LRRFIP2: variants seen among roughly 807,000 people sequenced by gnomAD.
The protein encoded by LRRFIP2 is leucine-rich repeat flightless-interacting protein 2.
A neutral mutation model predicts 125.9 loss-of-function variants in LRRFIP2; 109 were observed. The ratio of observed to expected loss-of-function variants is 0.87; its 90% CI spans 0.74 to 1.01. The LOEUF (loss-of-function observed/expected upper bound fraction) is 1.01. Among genes scored for constraint, LRRFIP2 ranks in the 50% least tolerant of loss-of-function variants. The pLI is 0.00. For missense variants in LRRFIP2, 850 were observed against 862.3 expected (o/e 0.99, Z 0.18); for synonymous variants, 291 against 293.1 (o/e 0.99, Z 0.07).
chr3:37,078,354 A>G (rs1291956109), intron 19 of LRRFIP2, among the ~76,000 whole-genome samples: 1 of 152,194 alleles, frequency 6.6e-6, no homozygotes, highest in Non-Finnish European at 1.5e-5. Context: ...AAACAAAATA[A>G]AAATCTTTTA....
In LRRFIP2 at chr3:37,060,208, T is replaced by G. The variant is rs975682123; in HGVS notation, c.1750-1298A>C. ...CATCATCAGCAAACACCCTCTGTCCTCAGTCTTTTCTGAGCATCCCCCCTT... is the reference window on the plus strand; with the variant it reads ...CATCATCAGCAAACACCCTCTGTCCGCAGTCTTTTCTGAGCATCCCCCCTT... On this transcript the variant is annotated intron_variant, in intron 24 of 27. Coordinates refer to ENST00000336686, the MANE Select transcript of LRRFIP2 (RefSeq NM_006309.4). This position sits in a 1 kb window ranked among gnomAD's most constrained non-coding sequence, Gnocchi z 4.1. Among the ~76,000 whole-genome samples, 25 of 152,300 alleles carry G rather than the reference T, an allele frequency of 1.6e-4. No homozygotes were observed. The highest frequency in any genetic ancestry group is 5.3e-4 in the African/African-American group (22 of 41,570).
chr3:37,142,104 T>C (rs2095717101), intron 2 of LRRFIP2, among the ~76,000 whole-genome samples: 1 of 152,132 alleles, frequency 6.6e-6, no homozygotes, highest in African/African-American at 2.4e-5. Context: ...TCATAGTTTC[T>C]TTGTATTTCT....
intron 6 of LRRFIP2, among the ~76,000 whole-genome samples, chr3:37,119,010 G>T (rs1235396659): frequency 6.6e-6 from 1 of 152,060 alleles, no homozygotes; most frequent in African/African-American, 2.4e-5. Flanking sequence ...AATATTATTT[G>T]GGTAAAACAG....
chr3:37,057,557 G>A (rs1214415407), intron 25 of LRRFIP2, among the ~76,000 whole-genome samples: 2 of 149,094 alleles, frequency 1.3e-5, no homozygotes, highest in South Asian at 2.1e-4. Context: ...TTGAAGAGAC[G>A]GGTTTTCACC....
intron 14 of LRRFIP2, among the ~76,000 whole-genome samples, chr3:37,104,304 T>A (rs925963274): frequency 1.3e-5 from 2 of 152,224 alleles, no homozygotes; most frequent in African/African-American, 4.8e-5. Context: ...TAACAGGTAG[T>A]AGAAGTGGAT....
intron 21 of LRRFIP2, among the ~76,000 whole-genome samples, chr3:37,071,254 A>G (rs2091135876): frequency 1.3e-5 from 2 of 152,280 alleles, no homozygotes; most frequent in African/African-American, 4.8e-5. Context: ...GTATCACTCT[A>G]TTGCTTAGGC....
Position 37,169,890 on chromosome 3 carries a change from T to TA in LRRFIP2, c.-56+4648_-56+4649insT, listed in dbSNP as rs1457136544. On this transcript the variant is annotated intron_variant, in intron 1 of 27. Coordinates refer to ENST00000336686, the MANE Select transcript of LRRFIP2 (RefSeq NM_006309.4). ...TCTGAGAAAGCACCCTGGTATGTAT[T>TA]CCAAGGCTTTTCCCAGCTCTTTACC... 2.0e-5 allele frequency among the ~76,000 whole-genome samples: 3 copies of TA among 152,230 alleles called. No homozygotes were observed. In the East Asian group the frequency reaches 5.8e-4, roughly 29 times the overall value.
At chr3:37,090,954 T>A (rs1258554427) in intron 18 of LRRFIP2, among the ~76,000 whole-genome samples, 1 of 152,240 alleles carries the variant, frequency 6.6e-6, no homozygotes, top group Non-Finnish European at 1.5e-5. Flanking sequence ...CTTTTTCATT[T>A]AGCGTGGAAG....
At chr3:37,121,454 G>GT in intron 6 of LRRFIP2, 38 bp downstream of exon 6, 2 of 1,591,730 alleles carry the variant, frequency 1.3e-6, no homozygotes, top group East Asian at 4.5e-5. Flanking sequence ...AAGCTCACAC[G>GT]TAAGCTTTGT....
chr3:37,165,945 T>C (rs1049488698), intron 1 of LRRFIP2, among the ~76,000 whole-genome samples: 2 of 151,756 alleles, frequency 1.3e-5, no homozygotes, highest in Non-Finnish European at 2.9e-5. Flanking sequence ...AGAAAATATA[T>C]GGGAAAAACT....
At chr3:37,139,587 T>A (rs984131589) in intron 2 of LRRFIP2, among the ~76,000 whole-genome samples, 2 of 152,158 alleles carry the variant, frequency 1.3e-5, no homozygotes, top group African/African-American at 2.4e-5. Context: ...ACTTTCCCTG[T>A]GGTTCTACTG....
intron 19 of LRRFIP2, among the ~76,000 whole-genome samples, chr3:37,081,565 TA>T (rs11408667): frequency 6.6e-6 from 1 of 151,370 alleles, no homozygotes; most frequent in Non-Finnish European, 1.5e-5. Context: ...TCCAGGGTAT[TA>T]AAAAAAACAA....
chr3:37,172,628 C>A (rs781389961), intron 1 of LRRFIP2: 14 of 152,158 alleles, frequency 9.2e-5, no homozygotes, highest in Non-Finnish European at 1.9e-4. Flanking sequence ...GCCATTTCTT[C>A]CCCTTCCCTA....
At chr3:37,093,860 G>A (rs991304449) in intron 17 of LRRFIP2, among the ~76,000 whole-genome samples, 17 of 152,112 alleles carry the variant, frequency 1.1e-4, no homozygotes, top group African/African-American at 2.7e-4. Context: ...GTAGCTTTCT[G>A]GGTTGTCTGA....
intron 1 of LRRFIP2, chr3:37,170,593 C>T (rs1008545370): frequency 1.3e-5 from 2 of 152,172 alleles, no homozygotes; most frequent in South Asian, 2.1e-4. Flanking sequence ...TTGATCTTAA[C>T]GACAAATACG....
rs2087742855 is a variant in LRRFIP2, at chr3:37,059,027, C to G, written c.1750-117G>C. On this transcript the variant is annotated intron_variant, in intron 24 of 27. Transcript: ENST00000336686. ...CCTTATCGTATCAGCCACATTCATT[C>G]AAAACCTATTTTCTTGAGTGCCTAA... 6.1e-6 allele frequency: 8 copies of G among 1,320,266 alleles called. No homozygotes were observed. In the South Asian group the frequency reaches 1.1e-4, roughly 18 times the overall value. The allele number at this position is 1,320,266 out of a possible 1,614,324, so 81.8% of individuals were successfully genotyped here. A position where few individuals can be genotyped will look rare whatever the true frequency, so the allele number is the denominator to read the frequency against.
chr3:37,086,220 G>A (rs1430038472), intron 18 of LRRFIP2, among the ~76,000 whole-genome samples: 1 of 152,114 alleles, frequency 6.6e-6, no homozygotes, highest in Non-Finnish European at 1.5e-5. Flanking sequence ...AAATACAGAA[G>A]ACAAGTGTTA....
intron 8 of LRRFIP2, among the ~76,000 whole-genome samples, chr3:37,112,489 A>G (rs2094588486): frequency 6.6e-6 from 1 of 152,208 alleles, no homozygotes. Flanking sequence ...CTTTGCCATT[A>G]CATATTTATT....
chr3:37,124,978 C>T (rs2095221026), intron 4 of LRRFIP2, among the ~76,000 whole-genome samples: 1 of 151,924 alleles, frequency 6.6e-6, no homozygotes, highest in Admixed American at 6.6e-5. Flanking sequence ...GAAAATAATA[C>T]ATCGTCATTA....
Sources: allele counts gnomAD v4.1 joint callset (sites outside exome capture counted in the v4.1 genomes callset), GRCh38; gene constraint gnomAD v4.1.1; non-coding constraint Gnocchi (gnomAD v3.1); transcripts MANE v1.5; gene names NCBI Gene and HGNC (gene_info 2026-07-23, HGNC 2026-07-21).